The following KALRN variants were observed in gnomAD, a reference collection of about 807,000 sequenced individuals.
KALRN encodes the protein kalirin RhoGEF kinase, also known as kalirin.
KALRN carries 70 observed loss-of-function variants against 353.7 expected under a neutral mutation model. That is an observed-to-expected ratio of 0.20 (90% CI 0.16 to 0.24). The LOEUF (loss-of-function observed/expected upper bound fraction) is 0.24, where lower values mean the gene tolerates loss of function less well. KALRN is among the 10% of genes least tolerant of loss of function. The pLI, the probability that KALRN is intolerant of heterozygous loss-of-function variation, is 1.00. For synonymous variants in KALRN, 1,391 were observed against 1,434.8 expected (o/e 0.97, Z 0.69); for missense variants, 2,791 against 3,756.7 (o/e 0.74, Z 6.72).
At chr3:124,385,402 C>T (rs1018074009) in intron 11 of KALRN, among the ~76,000 whole-genome samples, 1 of 152,194 alleles carries the variant, frequency 6.6e-6, no homozygotes, top group Admixed American at 6.5e-5. Context: ...CCCAATTTCT[C>T]TTGGTTGCTG....
rs530592963 is a variant in KALRN at position 124,369,010 on chromosome 3, G to C, written c.1771-15835G>C. ...GCCGAGATGGCAGCAGTACAGTCCAGCTTCGGCTCCGCATGAGAGGGAGAC... is the reference window on the plus strand; with the variant it reads ...GCCGAGATGGCAGCAGTACAGTCCACCTTCGGCTCCGCATGAGAGGGAGAC... On this transcript the variant is annotated intron_variant, in intron 10 of 59. Transcript: ENST00000682506. 7.2e-5 allele frequency among the ~76,000 whole-genome samples: 11 copies of C among 152,150 alleles called. 1 individual carries two copies. The South Asian group carries it at 2.1e-3, about 29-fold the overall frequency.
intron 14 of KALRN, among the ~76,000 whole-genome samples, chr3:124,420,878 G>A (rs568071878): frequency 2.6e-5 from 4 of 152,238 alleles, no homozygotes; most frequent in East Asian, 3.9e-4. Context: ...GATTTCTGAC[G>A]GTGTGAGTTA....
chr3:124,579,256 C>CT, intron 34 of KALRN, among the ~76,000 whole-genome samples: 1 of 152,196 alleles, frequency 6.6e-6, no homozygotes, highest in Non-Finnish European at 1.5e-5. Flanking sequence ...CCTACTACAT[C>CT]TGCAGGCTGA....
intron 33 of KALRN, among the ~76,000 whole-genome samples, chr3:124,505,876 T>G (rs1300985134): frequency 1.3e-5 from 2 of 152,182 alleles, no homozygotes; most frequent in Non-Finnish European, 2.9e-5. Context: ...TGTAACTCTT[T>G]TTTGTGATCT....
At chr3:124,295,999 A>C (rs2076814913) in intron 5 of KALRN, among the ~76,000 whole-genome samples, 1 of 152,212 alleles carries the variant, frequency 6.6e-6, no homozygotes, top group South Asian at 2.1e-4. Context: ...CCTGAAATAA[A>C]TTCTCTGACA....
chr3:124,654,292 A>G (rs2083746672), intron 38 of KALRN, among the ~76,000 whole-genome samples: 1 of 152,162 alleles, frequency 6.6e-6, no homozygotes, highest in Non-Finnish European at 1.5e-5. Context: ...TGCACTGATA[A>G]AGAAGCATGT....
intron 1 of KALRN, among the ~76,000 whole-genome samples, chr3:124,090,617 G>T (rs1277138593): frequency 6.6e-6 from 1 of 152,166 alleles, no homozygotes; most frequent in Non-Finnish European, 1.5e-5. Flanking sequence ...CTCTAATGGG[G>T]GACTCAGAAT....
At chr3:124,353,716 C>T (rs1304926812) in intron 10 of KALRN, among the ~76,000 whole-genome samples, 3 of 151,724 alleles carry the variant, frequency 2.0e-5, no homozygotes, top group Non-Finnish European at 2.9e-5. Context: ...TGCTTTTTCA[C>T]ACTCTAGCTT....
chr3:124,070,181 T>C (rs181002922), intron 1 of KALRN, among the ~76,000 whole-genome samples: 4 of 152,314 alleles, frequency 2.6e-5, no homozygotes, highest in Non-Finnish European at 5.9e-5. Context: ...CTAACGCTTA[T>C]GGACAGAGAC....
At chr3:124,429,704 C>T (rs923431658) in intron 15 of KALRN, among the ~76,000 whole-genome samples, 5 of 152,302 alleles carry the variant, frequency 3.3e-5, no homozygotes, top group African/African-American at 9.6e-5. Context: ...CTTCTTCTAT[C>T]CTAATATTCC....
intron 1 of KALRN, chr3:124,082,374 C>G (rs190149182): frequency 4.3e-6 from 2 of 465,866 alleles, no homozygotes; most frequent in Non-Finnish European, 8.9e-6. Context: ...TTCAATGGGC[C>G]TGAGCTATGG....
At position 124,563,094 on chromosome 3, in the gene KALRN, G is replaced by A; in HGVS notation, c.5182+5G>A. ...GCTTCTTCCCCTTGGTGAAAGGTAG[G>A]AGAACAGAGCGGGTGGGAGGCACAG... On this transcript the variant is annotated splice_donor_5th_base_variant and intron_variant, in intron 34 of 59. Transcript: ENST00000682506. The A allele has an allele frequency of 7.3e-7, 1 of 1,367,002 alleles. No homozygotes were observed. The highest frequency in any genetic ancestry group is 9.8e-7 in the Non-Finnish European group (1 of 1,021,658). The allele number at this position is 1,367,002 out of a possible 1,614,324, so 84.7% of individuals were successfully genotyped here. A position where few individuals can be genotyped will look rare whatever the true frequency, so the allele number is the denominator to read the frequency against.
chr3:124,158,925 G>A (rs2069449560), intron 1 of KALRN, among the ~76,000 whole-genome samples: 1 of 152,232 alleles, frequency 6.6e-6, no homozygotes, highest in East Asian at 1.9e-4. Context: ...ACACCTCTTA[G>A]TCAAACTCCC....
At chr3:124,632,797 A>G (rs914443516) in intron 35 of KALRN, 94 bp downstream of exon 35, 173 of 1,170,628 alleles carry the variant, frequency 1.5e-4, no homozygotes, top group Non-Finnish European at 2.0e-4. Context: ...TCAAATCTCC[A>G]TTAGTGTGTT....
intron 1 of KALRN, among the ~76,000 whole-genome samples, chr3:124,085,134 A>G (rs1416455391): frequency 2.0e-5 from 3 of 152,260 alleles, no homozygotes; most frequent in Non-Finnish European, 2.9e-5. Flanking sequence ...TTGGGGAGTC[A>G]GAGCCCATTG....
intron 3 of KALRN, among the ~76,000 whole-genome samples, chr3:124,252,925 A>G (rs971978406): frequency 1.3e-5 from 2 of 152,226 alleles, no homozygotes; most frequent in East Asian, 3.8e-4. Flanking sequence ...GCAAACATTC[A>G]TTCAAAACCC....
intron 6 of KALRN, among the ~76,000 whole-genome samples, chr3:124,301,665 C>T (rs2149236583): frequency 6.6e-6 from 1 of 152,278 alleles, no homozygotes; most frequent in East Asian, 1.9e-4. Flanking sequence ...GAGGGAATTA[C>T]AGATTCCTTT....
chr3:124,567,133 T>C (rs1325401088), intron 34 of KALRN, among the ~76,000 whole-genome samples: 4 of 152,168 alleles, frequency 2.6e-5, no homozygotes, highest in African/African-American at 9.7e-5. Flanking sequence ...AGACCCCACC[T>C]AGAACAAATG....
intron 15 of KALRN, among the ~76,000 whole-genome samples, chr3:124,426,557 A>AT (rs1158668206): frequency 3.3e-5 from 5 of 152,244 alleles, no homozygotes; most frequent in Admixed American, 3.3e-4. Context: ...TAGACTAAAA[A>AT]TTATGTTAAT....
Sources: gnomAD v4.1 joint callset for allele counts (sites outside exome capture counted in the v4.1 genomes callset) on GRCh38, gnomAD v4.1.1 for gene constraint, MANE v1.5 for transcripts, NCBI Gene and HGNC (gene_info 2026-07-23, HGNC 2026-07-21) for gene names.